Variants in MACROH2A2 observed in about 807,000 individuals in gnomAD.
MACROH2A2 encodes macroH2A.2 histone, also known as core histone macro-H2A.2.
In MACROH2A2, 6 loss-of-function variants were observed where a neutral mutation model predicts 37.6. The observed-to-expected ratio is 0.16, with a 90% confidence interval of 0.09 to 0.32. MACROH2A2 has a LOEUF of 0.32. Among genes scored for constraint, MACROH2A2 ranks in the 10% least tolerant of loss-of-function variants. The pLI is 1.00. For synonymous variants in MACROH2A2, 192 were observed against 202.7 expected (o/e 0.95, Z 0.45); for missense variants, 290 against 485.9 (o/e 0.60, Z 3.79).
intron 7 of MACROH2A2, among the ~76,000 whole-genome samples, chr10:70,100,507 G>A (rs1410237464): frequency 6.6e-6 from 1 of 152,164 alleles, no homozygotes; most frequent in Non-Finnish European, 1.5e-5. Context: ...AATAATTCAA[G>A]TCAGTTTGCA....
intron 1 of MACROH2A2, among the ~76,000 whole-genome samples, chr10:70,074,621 A>G (rs999026190): frequency 1.3e-5 from 2 of 152,172 alleles, no homozygotes; most frequent in Admixed American, 6.5e-5. Context: ...GAGATAATTG[A>G]ATCATGGGGG....
chr10:70,095,585 A>G (rs2072271957), intron 5 of MACROH2A2, 69 bp from the exon 6 acceptor site: 1 of 793,628 alleles, frequency 1.3e-6, no homozygotes, highest in Non-Finnish European at 2.2e-6. Context: ...AATGAATGCA[A>G]GTAAAATATG....
At chr10:70,087,466 C>T (rs756930815) in intron 2 of MACROH2A2, among the ~76,000 whole-genome samples, 1 of 151,358 alleles carries the variant, frequency 6.6e-6, no homozygotes, top group Admixed American at 6.6e-5. Context: ...CTCCTGACCT[C>T]AAGGGATCCA....
At chr10:70,084,599 G>A (rs895804826) in intron 2 of MACROH2A2, among the ~76,000 whole-genome samples, 1 of 152,058 alleles carries the variant, frequency 6.6e-6, no homozygotes, top group African/African-American at 2.4e-5. Context: ...AGGCAGGATT[G>A]TCTTTTCTTT....
chr10:70,082,912 A>T (rs2072188834), intron 2 of MACROH2A2, among the ~76,000 whole-genome samples: 1 of 152,130 alleles, frequency 6.6e-6, no homozygotes, highest in Non-Finnish European at 1.5e-5. Context: ...CAACATTGTG[A>T]ATATACTTAA....
chr10:70,083,424 C>CT (rs1461134355), intron 2 of MACROH2A2, among the ~76,000 whole-genome samples: 1 of 152,208 alleles, frequency 6.6e-6, no homozygotes, highest in Non-Finnish European at 1.5e-5. Context: ...TGCTGATGTC[C>CT]TGGGGGCCAA....
chr10:70,102,639 C>A (rs1195736623), intron 7 of MACROH2A2, among the ~76,000 whole-genome samples: 2 of 152,074 alleles, frequency 1.3e-5, no homozygotes, highest in Non-Finnish European at 2.9e-5. Context: ...ATCACTTGAA[C>A]CTGGGAAGTG....
Position 70,091,945 on chromosome 10 carries a change from G to C in MACROH2A2, c.468G>C (p.Thr156=), listed in dbSNP as rs115927656. 2 of 1,613,182 alleles carry C rather than the reference G, an allele frequency of 1.2e-6. No homozygotes were observed. Among genetic ancestry groups the C allele is most frequent in the Non-Finnish European group, 1.7e-6 (2 of 1,179,792 alleles). ...GKKSKAAKPR[T]SKKSKPKDSD... Reference sequence around the variant, plus strand: ...AATCCAAGGCTGCCAAACCACGGACGTCCAAAAAGGTAGGCCGAGGCTGCG... The same window carrying C: ...AATCCAAGGCTGCCAAACCACGGACCTCCAAAAAGGTAGGCCGAGGCTGCG... Residue 156 remains threonine (T), a synonymous_variant, in exon 4 of 9, where the codon ACG becomes ACC. Coordinates refer to ENST00000373255, the MANE Select transcript of MACROH2A2 (RefSeq NM_018649.3).
Position 70,111,538 on chromosome 10 carries a change from C to A in MACROH2A2, c.974C>A (p.Thr325Asn), listed in dbSNP as rs1428428815. Residue 325 changes from threonine to asparagine, a missense_variant, in exon 9 of 9, where the codon ACT becomes AAT. Transcript: ENST00000373255. ...PSGRNCFPKQ[T>N]AAQVTLKAIS... is the part of the protein sequence containing the mutation. ...CACAGAAACTGCTTTCCCAAACAGACTGCGGCCCAGGTGACCCTCAAAGCC... is the reference window on the plus strand; with the variant it reads ...CACAGAAACTGCTTTCCCAAACAGAATGCGGCCCAGGTGACCCTCAAAGCC... 6.2e-7 allele frequency: 1 copy of A among 1,613,564 alleles called. No homozygotes were observed. The highest frequency in any genetic ancestry group is 8.5e-7 in the Non-Finnish European group (1 of 1,179,808).
At position 70,073,728 on chromosome 10, in the gene MACROH2A2, T is replaced by C. The variant is rs74139259; in HGVS notation, c.-59-1872T>C. ...GGTCGTAATGGAGTTATCAGATGCT[T>C]TAGAAAATTGAAATCTGTTCACTCT... On this transcript the variant is annotated intron_variant, in intron 1 of 8. Coordinates refer to ENST00000373255, the MANE Select transcript of MACROH2A2 (RefSeq NM_018649.3). Among the ~76,000 whole-genome samples the C allele has an allele frequency of 9.6e-3, 1,455 of 152,294 alleles. 23 individuals carry two copies. The highest frequency in any genetic ancestry group is 0.033 in the African/African-American group (1,369 of 41,548).
Position 70,091,659 on chromosome 10 carries a change from G to GTAAGATTC in MACROH2A2, c.280-96_280-89dup, listed in dbSNP as rs371405548. ...ACTGCACTCCAGCCTGGGTGACAGA[G>GTAAGATTC]TAAGATTCTGTATCAAAAAAAAAAA... On this transcript the variant is annotated intron_variant, in intron 3 of 8. Coordinates refer to ENST00000373255, the MANE Select transcript of MACROH2A2 (RefSeq NM_018649.3). The GTAAGATTC allele has an allele frequency of 9.9e-5, 83 of 835,322 alleles. No homozygotes were observed. In the African/African-American group the frequency reaches 1.3e-3, roughly 13 times the overall value. 51.7% of individuals were successfully genotyped at this position (835,322 alleles called of 1,614,324 possible).
intron 1 of MACROH2A2, among the ~76,000 whole-genome samples, chr10:70,070,780 G>A (rs963716853): frequency 2.0e-5 from 3 of 152,096 alleles, no homozygotes; most frequent in Admixed American, 6.5e-5. Context: ...AAGCCACCAC[G>A]CTTGGCCTCT....
chr10:70,079,551 T>TCGCG (rs778240404), intron 2 of MACROH2A2, among the ~76,000 whole-genome samples: 2,098 of 113,966 alleles, frequency 0.018, 43 homozygotes, highest in Admixed American at 0.053. Flanking sequence ...CGTTGAGGGT[T>TCGCG]CGCGCGCGCG....
intron 1 of MACROH2A2, among the ~76,000 whole-genome samples, chr10:70,064,585 C>G (rs367838019): frequency 6.6e-6 from 1 of 152,066 alleles, no homozygotes; most frequent in Non-Finnish European, 1.5e-5. Flanking sequence ...GGGAGCGACT[C>G]AGGGGGAAGT....
chr10:70,104,396 G>C (rs1278382244), intron 7 of MACROH2A2, among the ~76,000 whole-genome samples: 1 of 151,352 alleles, frequency 6.6e-6, no homozygotes, highest in Non-Finnish European at 1.5e-5. Context: ...AAAGAATTTG[G>C]CCAGGCATGG....
chr10:70,071,094 T>TGTGTGTGC (rs537404247), intron 1 of MACROH2A2, among the ~76,000 whole-genome samples: 23 of 150,646 alleles, frequency 1.5e-4, no homozygotes, highest in African/African-American at 3.2e-4. Flanking sequence ...TGTGTGTGTG[T>TGTGTGTGC]GCGCGTGTGC....
At position 70,111,719 on chromosome 10, in the gene MACROH2A2, CG is replaced by C; in HGVS notation, c.*37del. The C allele has an allele frequency of 6.5e-7, 1 of 1,533,706 alleles. No homozygotes were observed. The highest frequency in any genetic ancestry group is 8.8e-7 in the Non-Finnish European group (1 of 1,135,304). On this transcript the variant is annotated 3_prime_UTR_variant, in exon 9 of 9. Transcript: ENST00000373255. The stretch of plus-strand genomic sequence containing the variant: ...TTCCAGCAGGGATCGGAGGACGACC[CG>C]AGTCCCAAGAGTGGGGTTTTGCTTT...
At chr10:70,096,821 C>G (rs2072279169) in intron 6 of MACROH2A2, among the ~76,000 whole-genome samples, 1 of 152,182 alleles carries the variant, frequency 6.6e-6, no homozygotes, top group African/African-American at 2.4e-5. Context: ...GGGCTTCCTC[C>G]TGGCATCAGA....
intron 7 of MACROH2A2, 152 bp downstream of exon 7, chr10:70,100,449 A>C: frequency 1.7e-6 from 1 of 586,118 alleles, no homozygotes; most frequent in Non-Finnish European, 3.1e-6. Context: ...TAATTTGGGC[A>C]GGCCCATAGA....
Sources: gnomAD v4.1 joint callset for allele counts (sites outside exome capture counted in the v4.1 genomes callset) on GRCh38, gnomAD v4.1.1 for gene constraint, MANE v1.5 for transcripts, NCBI Gene and HGNC (gene_info 2026-07-23, HGNC 2026-07-21) for gene names.